The following TOPBP1 variants were observed in gnomAD, a reference collection of about 807,000 sequenced individuals.
TOPBP1 encodes DNA topoisomerase II binding protein 1.
TOPBP1 carries 28 observed loss-of-function variants against 167.7 expected under a neutral mutation model. The ratio of observed to expected loss-of-function variants is 0.17; its 90% CI spans 0.12 to 0.23. The LOEUF is 0.23. Among genes scored for constraint, TOPBP1 ranks in the 10% least tolerant of loss-of-function variants. TOPBP1 has a pLI of 1.00. For synonymous variants in TOPBP1, 598 were observed against 611.4 expected (o/e 0.98, Z 0.32); for missense variants, 1,554 against 1,809.6 (o/e 0.86, Z 2.56).
rs771717063 is a variant in TOPBP1 at position 133,618,330 on chromosome 3, T to C, written c.3475A>G (p.Ser1159Gly). The change falls in exon 21 of 28, where the codon AGC becomes GGC. Residue 1159 changes from serine (S) to glycine (G), a missense_variant. Transcript: ENST00000260810. Reference protein sequence around the residue: ...TAREERARLASNLQWPSCPTQ... With the variant: ...TAREERARLAGNLQWPSCPTQ... ...GGACAACTAGGCCACTGCAAATTGC[T>C]GGCAAGCCTTGCTCTCTCCTCCCTT... 2 of 1,614,016 alleles carry C rather than the reference T, an allele frequency of 1.2e-6. No homozygotes were observed. Among genetic ancestry groups the C allele is most frequent in the Non-Finnish European group, 1.7e-6 (2 of 1,179,872 alleles).
rs774670502 is a variant in TOPBP1, at chr3:133,631,930, G to A, written c.2521-3197C>T. On this transcript the variant is annotated intron_variant, in intron 14 of 27. Coordinates refer to ENST00000260810, the MANE Select transcript of TOPBP1 (RefSeq NM_007027.4). ...TGGGATTACAGGCGTGAGCCACTGC[G>A]CCTGGCTGATATCCAGTTGTTTAAA... is the stretch of plus-strand genomic sequence containing the variant. 1.4e-4 allele frequency among the ~76,000 whole-genome samples: 21 copies of A among 151,790 alleles called. 1 individual carries two copies. The highest frequency in any genetic ancestry group is 4.2e-4 in the South Asian group (2 of 4,800).
intron 10 of TOPBP1, among the ~76,000 whole-genome samples, chr3:133,645,769 C>T (rs369223213): frequency 3.3e-5 from 5 of 152,148 alleles, no homozygotes; most frequent in East Asian, 1.9e-4. Flanking sequence ...GCAGTTCTTT[C>T]CGTTTATTTT....
chr3:133,624,539 C>G (rs1455366327), intron 16 of TOPBP1, among the ~76,000 whole-genome samples: 1 of 152,194 alleles, frequency 6.6e-6, no homozygotes, highest in Non-Finnish European at 1.5e-5. Flanking sequence ...ATGCATATAT[C>G]TGTAGGTATA....
At chr3:133,628,202 T>A (rs1935330687) in intron 16 of TOPBP1, 160 bp downstream of exon 16, 1 of 665,902 alleles carries the variant, frequency 1.5e-6, no homozygotes, top group Non-Finnish European at 2.5e-6. Context: ...TGAGAGGCTA[T>A]TTTCAACAGA....
chr3:133,611,385 TAAGA>T (rs1435606385), intron 24 of TOPBP1, among the ~76,000 whole-genome samples: 1 of 152,216 alleles, frequency 6.6e-6, no homozygotes, highest in Non-Finnish European at 1.5e-5. Flanking sequence ...CATACATTTT[TAAGA>T]AACAAAATGA....
chr3:133,645,698 T>C (rs1371255665), intron 10 of TOPBP1, among the ~76,000 whole-genome samples: 1 of 152,208 alleles, frequency 6.6e-6, no homozygotes, highest in Non-Finnish European at 1.5e-5. Context: ...TAAGTTCTTA[T>C]AAACCATCAG....
At chr3:133,601,773 T>C (rs1934308720) in intron 27 of TOPBP1, among the ~76,000 whole-genome samples, 2 of 152,152 alleles carry the variant, frequency 1.3e-5, no homozygotes, top group African/African-American at 4.8e-5. Context: ...ACCCTTGCAT[T>C]TTCCCCCCAC....
Position 133,649,812 on chromosome 3 carries a change from T to C in TOPBP1, c.1221A>G (p.Glu407=). The change falls in exon 9 of 28, where the codon GAA becomes GAG. Residue 407 remains glutamate (E), a synonymous_variant. Coordinates refer to ENST00000260810, the MANE Select transcript of TOPBP1 (RefSeq NM_007027.4). ...THVIVGDYDD[E]LKQFWNKSAH... ...CTGATTTATTCCAAAACTGCTTCAA[T>C]TCATCATCATAATCTCCCACAATAA... is the stretch of plus-strand genomic sequence containing the variant. 6.2e-7 allele frequency: 1 copy of C among 1,607,048 alleles called. No homozygotes were observed. The highest frequency in any genetic ancestry group is 8.5e-7 in the Non-Finnish European group (1 of 1,178,380).
intron 27 of TOPBP1, among the ~76,000 whole-genome samples, chr3:133,603,441 A>C (rs1934378484): frequency 6.6e-6 from 1 of 152,222 alleles, no homozygotes; most frequent in Non-Finnish European, 1.5e-5. Context: ...AGAAAAAAAA[A>C]GCAAGGCCCA....
chr3:133,616,227 C>T (rs925210162), intron 23 of TOPBP1, among the ~76,000 whole-genome samples: 1 of 151,524 alleles, frequency 6.6e-6, no homozygotes, highest in African/African-American at 2.4e-5. Flanking sequence ...TCAAGCGATT[C>T]TCTTGCCTCA....
chr3:133,629,476 C>G (rs900765814), intron 14 of TOPBP1, among the ~76,000 whole-genome samples: 3 of 152,160 alleles, frequency 2.0e-5, no homozygotes, highest in African/African-American at 4.8e-5. Context: ...GTAATCTCAG[C>G]TACTCCAGAG....
intron 12 of TOPBP1, among the ~76,000 whole-genome samples, chr3:133,642,860 T>C (rs1274769050): frequency 6.6e-6 from 1 of 152,200 alleles, no homozygotes; most frequent in Admixed American, 6.5e-5. Flanking sequence ...TTGTCAGCTT[T>C]CAAAGTAATG....
At chr3:133,648,869 TTTAAG>T (rs2107822613) in intron 10 of TOPBP1, among the ~76,000 whole-genome samples, 1 of 152,334 alleles carries the variant, frequency 6.6e-6, no homozygotes, top group Non-Finnish European at 1.5e-5. Flanking sequence ...AACTTCAGAT[TTTAAG>T]TTATGATACA....
In TOPBP1 at chr3:133,623,392, G is replaced by T; in HGVS notation, c.2994C>A (p.Ser998Arg). 6.2e-7 allele frequency: 1 copy of T among 1,613,056 alleles called. No homozygotes were observed. Among genetic ancestry groups the T allele is most frequent in the East Asian group, 2.2e-5 (1 of 44,844 alleles). Residue 998 changes from serine to arginine, a missense_variant, in exon 18 of 28, where the codon AGC (serine) becomes AGA (arginine). By Grantham distance (110) the Ser-to-Arg change is moderately radical. Coordinates refer to ENST00000260810, the MANE Select transcript of TOPBP1 (RefSeq NM_007027.4). ...CATCTTGCACTGCGCTGATATCCAA[G>T]CTCATTTTGGGATTATAAGTATGTG... ...LYPHTYNPKM[S>R]LDISAVQDGR... is the part of the protein sequence containing the mutation.
At chr3:133,646,951 G>C (rs1936094889) in intron 10 of TOPBP1, among the ~76,000 whole-genome samples, 5 of 152,102 alleles carry the variant, frequency 3.3e-5, no homozygotes, top group Non-Finnish European at 4.4e-5. Flanking sequence ...TAAAGCTAAT[G>C]GTTAGTCAAA....
At chr3:133,612,744 C>A (rs1293616226) in intron 23 of TOPBP1, among the ~76,000 whole-genome samples, 192 bp from the exon 24 acceptor site, 1 of 151,282 alleles carries the variant, frequency 6.6e-6, no homozygotes, top group Admixed American at 6.6e-5. Flanking sequence ...TTATTATGAA[C>A]ATTTTAAATA....
intron 27 of TOPBP1, among the ~76,000 whole-genome samples, chr3:133,603,115 C>T (rs974121162): frequency 1.3e-5 from 2 of 151,966 alleles, no homozygotes. Flanking sequence ...AGGCTGGTCT[C>T]GAAATCCTGA....
intron 25 of TOPBP1, among the ~76,000 whole-genome samples, chr3:133,609,210 G>C (rs1435830637): frequency 6.6e-6 from 1 of 152,158 alleles, no homozygotes; most frequent in Non-Finnish European, 1.5e-5. Context: ...AAACAAAGCA[G>C]TGTGATTGAT....
chr3:133,649,364 C>G lies in TOPBP1; in HGVS notation c.1504+19G>C. 1 of 1,606,708 alleles carries G rather than the reference C, an allele frequency of 6.2e-7. No homozygotes were observed. The highest frequency in any genetic ancestry group is 8.5e-7 in the Non-Finnish European group (1 of 1,177,774). On this transcript the variant is annotated intron_variant, in intron 10 of 27. Transcript: ENST00000260810. ...AAATATTTCTTACTAACTACAAATACTAATCAAGCATTTCTTACCTACTGT... is the reference window on the plus strand; with the variant it reads ...AAATATTTCTTACTAACTACAAATAGTAATCAAGCATTTCTTACCTACTGT...
Sources: allele counts gnomAD v4.1 joint callset (sites outside exome capture counted in the v4.1 genomes callset), GRCh38; gene constraint gnomAD v4.1.1; transcripts MANE v1.5; gene names NCBI Gene and HGNC (gene_info 2026-07-23, HGNC 2026-07-21).